Variants in PLCXD3 observed in about 807,000 individuals in gnomAD.
PLCXD3 encodes phosphatidylinositol specific phospholipase C X domain containing 3.
Under a neutral mutation model 25.5 loss-of-function variants are expected in PLCXD3, and 19 were observed. The ratio of observed to expected loss-of-function variants is 0.75; its 90% CI spans 0.52 to 1.09. The LOEUF (loss-of-function observed/expected upper bound fraction) is 1.09, where lower values mean the gene tolerates loss of function less well. PLCXD3 is among the 50% of genes least tolerant of loss of function. The pLI is 0.00. For missense variants in PLCXD3, 411 were observed against 388.1 expected, an observed-to-expected ratio of 1.06 and a Z score of -0.50; for synonymous variants, 174 against 137.6, an observed-to-expected ratio of 1.26 and a Z score of -1.85.
At chr5:41,472,930 T>C (rs1020906786) in intron 1 of PLCXD3, among the ~76,000 whole-genome samples, 8 of 152,156 alleles carry the variant, frequency 5.3e-5, no homozygotes, top group Non-Finnish European at 1.0e-4. Flanking sequence ...GAACACATGA[T>C]TTAGAAAAAA....
At chr5:41,351,272 A>G (rs1430567423) in intron 2 of PLCXD3, among the ~76,000 whole-genome samples, 2 of 152,070 alleles carry the variant, frequency 1.3e-5, no homozygotes, top group Non-Finnish European at 2.9e-5. Flanking sequence ...CTCACTCCCC[A>G]TTCCCCACCT....
At chr5:41,388,189 C>T (rs1248488623) in intron 1 of PLCXD3, among the ~76,000 whole-genome samples, 2 of 151,826 alleles carry the variant, frequency 1.3e-5, no homozygotes, top group African/African-American at 4.8e-5. Context: ...GGAAGTTAGG[C>T]ATAGAGACAA....
At chr5:41,508,146 A>G (rs1157594692) in intron 1 of PLCXD3, among the ~76,000 whole-genome samples, 1 of 152,222 alleles carries the variant, frequency 6.6e-6, no homozygotes. Flanking sequence ...ATTTGAGTAT[A>G]ATACCAACAG....
intron 1 of PLCXD3, among the ~76,000 whole-genome samples, chr5:41,496,859 A>G: frequency 6.6e-6 from 1 of 151,948 alleles, no homozygotes; most frequent in Middle Eastern, 3.4e-3. Flanking sequence ...AAAGACAAGA[A>G]TGTTAAAAAT....
At chr5:41,322,910 G>T (rs1179079014) in intron 2 of PLCXD3, among the ~76,000 whole-genome samples, 1 of 151,922 alleles carries the variant, frequency 6.6e-6, no homozygotes, top group Non-Finnish European at 1.5e-5. Context: ...GGAGGAGGAG[G>T]TTGCAGTGAG....
intron 1 of PLCXD3, 84 bp from the exon 2 acceptor site, chr5:41,382,618 T>C (rs967748578): frequency 9.4e-7 from 1 of 1,060,242 alleles, no homozygotes; most frequent in East Asian, 2.4e-5. Flanking sequence ...TATCCATACC[T>C]CTCCCTCAAA....
chr5:41,481,951 A>C (rs546802834), intron 1 of PLCXD3, among the ~76,000 whole-genome samples: 2 of 152,230 alleles, frequency 1.3e-5, no homozygotes, highest in East Asian at 3.9e-4. Flanking sequence ...AGCCCAAGCC[A>C]CAAGAATAAG....
At chr5:41,330,447 A>G (rs1743762217) in intron 2 of PLCXD3, among the ~76,000 whole-genome samples, 1 of 152,156 alleles carries the variant, frequency 6.6e-6, no homozygotes, top group African/African-American at 2.4e-5. Flanking sequence ...AATTGTGGCA[A>G]TAATCAATAG....
intron 1 of PLCXD3, among the ~76,000 whole-genome samples, chr5:41,421,779 G>T (rs1026724132): frequency 5.9e-5 from 9 of 152,036 alleles, no homozygotes; most frequent in South Asian, 2.1e-4. Context: ...TTAAATATAC[G>T]CACATTTTAA....
chr5:41,438,078 T>C (rs1271674258), intron 1 of PLCXD3, among the ~76,000 whole-genome samples: 1 of 152,178 alleles, frequency 6.6e-6, no homozygotes, highest in Non-Finnish European at 1.5e-5. Context: ...TTTGGTTTGT[T>C]CTGCCTTAAG....
chr5:41,359,357 T>C (rs2150484412), intron 2 of PLCXD3, among the ~76,000 whole-genome samples: 1 of 152,276 alleles, frequency 6.6e-6, no homozygotes, highest in Non-Finnish European at 1.5e-5. Context: ...GGACTTTTTT[T>C]TATTGGCAAT....
chr5:41,386,082 A>G (rs765730686), intron 1 of PLCXD3, among the ~76,000 whole-genome samples: 1 of 152,154 alleles, frequency 6.6e-6, no homozygotes, highest in Non-Finnish European at 1.5e-5. Context: ...TAACTAATAC[A>G]GGCCATAGCA....
intron 1 of PLCXD3, among the ~76,000 whole-genome samples, chr5:41,489,606 T>C (rs1184880830): frequency 1.3e-5 from 2 of 150,780 alleles, no homozygotes; most frequent in Admixed American, 1.3e-4. Flanking sequence ...TTTATTTCCT[T>C]GAGCAGTGGT....
At chr5:41,488,184 T>A (rs1748564933) in intron 1 of PLCXD3, among the ~76,000 whole-genome samples, 1 of 150,830 alleles carries the variant, frequency 6.6e-6, no homozygotes, top group African/African-American at 2.4e-5. Context: ...GTTTGTTTGG[T>A]TTTTTGTTCT....
intron 2 of PLCXD3, among the ~76,000 whole-genome samples, chr5:41,316,542 C>G (rs905621761): frequency 6.6e-6 from 1 of 152,168 alleles, no homozygotes; most frequent in African/African-American, 2.4e-5. Context: ...TGCTAGAGCA[C>G]CAAGCAGACT....
chr5:41,344,163 G>A (rs1433998019), intron 2 of PLCXD3, among the ~76,000 whole-genome samples: 1 of 152,100 alleles, frequency 6.6e-6, no homozygotes, highest in Non-Finnish European at 1.5e-5. Context: ...ATAAAGAGCA[G>A]GCATTAAGCT....
intron 2 of PLCXD3, among the ~76,000 whole-genome samples, chr5:41,315,294 T>C (rs113879549): frequency 0.011 from 1,723 of 151,900 alleles, 36 homozygotes; most frequent in African/African-American, 0.04. Flanking sequence ...CATGTGAACA[T>C]TAAATTCCTG....
intron 2 of PLCXD3, among the ~76,000 whole-genome samples, chr5:41,330,793 A>T (rs1192957226): frequency 1.3e-5 from 2 of 152,190 alleles, no homozygotes; most frequent in African/African-American, 4.8e-5. Context: ...GGTTCAATAT[A>T]TGCAAATCAA....
At chr5:41,450,650 A>G (rs963996171) in intron 1 of PLCXD3, among the ~76,000 whole-genome samples, 21 of 152,218 alleles carry the variant, frequency 1.4e-4, no homozygotes, top group Non-Finnish European at 8.8e-5. Context: ...CTTCCCAAGA[A>G]CACTTTACTT....
Sources: allele counts gnomAD v4.1 joint callset (sites outside exome capture counted in the v4.1 genomes callset), GRCh38; gene constraint gnomAD v4.1.1; transcripts MANE v1.5; gene names NCBI Gene and HGNC (gene_info 2026-07-23, HGNC 2026-07-21).